The following ERLIN2 variants were observed in gnomAD, a reference collection of about 807,000 sequenced individuals.
ERLIN2 encodes ER lipid raft associated 2.
ERLIN2 carries 22 observed loss-of-function variants against 41.5 expected under a neutral mutation model. That is an observed-to-expected ratio of 0.53 (90% CI 0.38 to 0.76). The LOEUF (loss-of-function observed/expected upper bound fraction) is 0.76. Among genes scored for constraint, ERLIN2 ranks in the 30% least tolerant of loss-of-function variants. The pLI, the probability that ERLIN2 is intolerant of heterozygous loss-of-function variation, is 0.00. For missense variants in ERLIN2, 247 were observed against 414.3 expected (o/e 0.60, Z 3.51); for synonymous variants, 149 against 150.9 (o/e 0.99, Z 0.09).
chr8:37,751,911 AG>A (rs1427279504), intron 10 of ERLIN2, among the ~76,000 whole-genome samples, 196 bp downstream of exon 10: 1 of 152,208 alleles, frequency 6.6e-6, no homozygotes, highest in East Asian at 1.9e-4. Flanking sequence ...TCTACTTCAG[AG>A]AGCATTTGTT....
chr8:37,741,690 G>A lies in ERLIN2; in HGVS notation c.190-82G>A. 9.6e-7 allele frequency: 1 copy of A among 1,044,676 alleles called. No individual in the cohort carries two copies. The allele number at this position is 1,044,676 out of a possible 1,614,324, so 64.7% of individuals were successfully genotyped here. A position where few individuals can be genotyped will look rare whatever the true frequency, so the allele number is the denominator to read the frequency against. Reference sequence around the variant, plus strand: ...TGCTCAACCCAAACAGTTATTCCAGGACAAAGGCATTTAGGATTCTGAAAA... The same window carrying A: ...TGCTCAACCCAAACAGTTATTCCAGAACAAAGGCATTTAGGATTCTGAAAA... On this transcript the variant is annotated intron_variant, in intron 3 of 11. Transcript: ENST00000519638. The surrounding 1 kb of genome is among the most constrained non-coding windows in gnomAD (Gnocchi z 4.8).
chr8:37,753,850 A>T, intron 11 of ERLIN2, 65 bp from the exon 12 acceptor site: 1 of 1,346,704 alleles, frequency 7.4e-7, no homozygotes, highest in Non-Finnish European at 1.1e-6. Flanking sequence ...TTGAAGGGGC[A>T]CCACTCCCCT....
Position 37,754,451 on chromosome 8 carries a change from C to T in ERLIN2, c.*336C>T. ...GAGAGGGAGAAATGTAGAGTGTTAC[C>T]TCCAACTCATTTGATTTCCCTTACT... On this transcript the variant is annotated 3_prime_UTR_variant, in exon 12 of 12. Coordinates refer to ENST00000519638, the MANE Select transcript of ERLIN2 (RefSeq NM_007175.8). 5.6e-6 allele frequency: 2 copies of T among 356,468 alleles called. No individual in the cohort carries two copies. Among genetic ancestry groups the T allele is most frequent in the Non-Finnish European group, 1.1e-5 (2 of 185,076 alleles). The allele number at this position is 356,468 out of a possible 1,614,324, so 22.1% of individuals were successfully genotyped here.
chr8:37,743,475 C>T (rs1321129276), intron 4 of ERLIN2, among the ~76,000 whole-genome samples: 1 of 152,110 alleles, frequency 6.6e-6, no homozygotes, highest in African/African-American at 2.4e-5. Context: ...GGATACCAGA[C>T]CTTTTGGATT....
At position 37,744,352 on chromosome 8, in the gene ERLIN2, T is replaced by C. The variant is rs765889273; in HGVS notation, c.237-3T>C. Reference sequence around the variant, plus strand: ...GACTTCTTGTCCATTCTCCCTCCAATAGTGGTGGTGTGATGATCTACTTTG... The same window carrying C: ...GACTTCTTGTCCATTCTCCCTCCAACAGTGGTGGTGTGATGATCTACTTTG... On this transcript the variant is annotated splice_region_variant and splice_polypyrimidine_tract_variant and intron_variant, in intron 4 of 11. Coordinates refer to ENST00000519638, the MANE Select transcript of ERLIN2 (RefSeq NM_007175.8). 40 of 1,612,884 alleles carry C rather than the reference T, an allele frequency of 2.5e-5. No homozygotes were observed. The highest frequency in any genetic ancestry group is 3.2e-5 in the Non-Finnish European group (38 of 1,178,986).
At chr8:37,738,378 C>T (rs764618444) in intron 2 of ERLIN2, among the ~76,000 whole-genome samples, 9 of 149,684 alleles carry the variant, frequency 6.0e-5, no homozygotes, top group Admixed American at 5.3e-4. Flanking sequence ...CTTAGCTCTA[C>T]ATCCCTCTGG....
In ERLIN2 at chr8:37,750,045, ACC is replaced by A. The variant is rs1563316612; in HGVS notation, c.557+196_557+197del. On this transcript the variant is annotated intron_variant, in intron 8 of 11. Coordinates refer to ENST00000519638, the MANE Select transcript of ERLIN2 (RefSeq NM_007175.8). Reference sequence around the variant, plus strand: ...TGGGGCTCCCTACCTGTGATTGAGAACCCCAGGATAATCCCTGTAGAGCAGCG... The same window carrying A: ...TGGGGCTCCCTACCTGTGATTGAGAACCAGGATAATCCCTGTAGAGCAGCG... The A allele has an allele frequency of 1.8e-5, 12 of 677,574 alleles. No homozygotes were observed. In the South Asian group the frequency reaches 1.9e-4, roughly 11 times the overall value. 42.0% of individuals were successfully genotyped at this position (677,574 alleles called of 1,614,324 possible).
intron 6 of ERLIN2, chr8:37,744,960 GC>G: frequency 1.6e-6 from 1 of 621,146 alleles, no homozygotes; most frequent in Non-Finnish European, 2.9e-6. Flanking sequence ...TCAATCAGAG[GC>G]TGGAGTGGAA....
At position 37,743,799 on chromosome 8, in the gene ERLIN2, GA is replaced by G. The variant is rs935549445; in HGVS notation, c.237-546del. 1.8e-4 allele frequency among the ~76,000 whole-genome samples: 27 copies of G among 146,544 alleles called. No homozygotes were observed. The East Asian group carries it at 2.2e-3, about 12-fold the overall frequency. Reference sequence around the variant, plus strand: ...ACTGCAGCTTACTTTGAAATGTTCAGAAAAAAAAAAGGTCAATAAATAAGGT... The same window carrying G: ...ACTGCAGCTTACTTTGAAATGTTCAGAAAAAAAAAGGTCAATAAATAAGGT... On this transcript the variant is annotated intron_variant, in intron 4 of 11. Coordinates refer to ENST00000519638, the MANE Select transcript of ERLIN2 (RefSeq NM_007175.8).
rs1038353803 is a variant in ERLIN2 at position 37,753,608 on chromosome 8, G to C, written c.819+79G>C. Reference sequence around the variant, plus strand: ...TGCAGGAGAGTTTCCAGTGTTGAGCGCCTGCCACCACCCAAAGCCCTTCAT... The same window carrying C: ...TGCAGGAGAGTTTCCAGTGTTGAGCCCCTGCCACCACCCAAAGCCCTTCAT... On this transcript the variant is annotated intron_variant, in intron 11 of 11. Transcript: ENST00000519638. 1.0e-5 allele frequency: 13 copies of C among 1,295,982 alleles called. No homozygotes were observed. The South Asian group carries it at 1.4e-4, about 14-fold the overall frequency. The allele number at this position is 1,295,982 out of a possible 1,614,324, so 80.3% of individuals were successfully genotyped here. A position where few individuals can be genotyped will look rare whatever the true frequency, so the allele number is the denominator to read the frequency against.
Position 37,744,572 on chromosome 8 carries a change from G to A in ERLIN2, c.300G>A (p.Val100=), listed in dbSNP as rs756597769. ...CCAAGCCCTCTCCTTCCCTCTCAGTGTATGATATAGTGAAGAACTATACTG... is the reference window on the plus strand; with the variant it reads ...CCAAGCCCTCTCCTTCCCTCTCAGTATATGATATAGTGAAGAACTATACTG... ...EVVNFLVPNA[V]YDIVKNYTAD... The change falls in exon 6 of 12, where the codon GTG becomes GTA. Residue 100 remains valine (V), a splice_region_variant and synonymous_variant. Coordinates refer to ENST00000519638, the MANE Select transcript of ERLIN2 (RefSeq NM_007175.8). The A allele has an allele frequency of 1.9e-6, 3 of 1,614,008 alleles. No individual in the cohort carries two copies. The highest frequency in any genetic ancestry group is 1.7e-5 in the Admixed American group (1 of 59,996).
intron 6 of ERLIN2, chr8:37,747,842 G>T: frequency 6.2e-7 from 1 of 1,614,158 alleles, no homozygotes. Flanking sequence ...ACACGGGACC[G>T]GTCCCGGGGC....
Position 37,749,862 on chromosome 8 carries a change from C to A in ERLIN2, c.557+10C>A. On this transcript the variant is annotated intron_variant, in intron 8 of 11. Transcript: ENST00000519638. The stretch of plus-strand genomic sequence containing the variant: ...GAAACTACGAGTTGATGTGAGTATA[C>A]CCTCCGCCTGGGCTGTGACCACCAC... 1 of 1,613,190 alleles carries A rather than the reference C, an allele frequency of 6.2e-7. No homozygotes were observed. The highest frequency in any genetic ancestry group is 1.7e-5 in the Admixed American group (1 of 60,028).
intron 2 of ERLIN2, among the ~76,000 whole-genome samples, chr8:37,740,029 G>A (rs1802795068): frequency 6.6e-6 from 1 of 151,910 alleles, no homozygotes; most frequent in Admixed American, 6.6e-5. Flanking sequence ...AGACAGGTTG[G>A]TCTCAAACTC....
intron 8 of ERLIN2, 123 bp downstream of exon 8, chr8:37,749,975 A>C: frequency 1.1e-6 from 1 of 885,668 alleles, no homozygotes; most frequent in Non-Finnish European, 1.9e-6. Context: ...GATTTGCTAC[A>C]GCCCATTGCA....
intron 6 of ERLIN2, chr8:37,747,303 G>C: frequency 1.1e-6 from 1 of 889,570 alleles, no homozygotes; most frequent in Non-Finnish European, 1.9e-6. Context: ...CTAAATGCTT[G>C]CCTCCAGTCT....
At position 37,737,976 on chromosome 8, in the gene ERLIN2, T is replaced by C; in HGVS notation, c.54T>C (p.Ser18=). 6.2e-7 allele frequency: 1 copy of C among 1,613,986 alleles called. No homozygotes were observed. Among genetic ancestry groups the C allele is most frequent in the African/African-American group, 1.3e-5 (1 of 75,024 alleles). Reference sequence around the variant, plus strand: ...TGGCTTCCAGTTTCTTTTGTGCATCTCTCTTCTCAGCTGTGCACAAGATAG... The same window carrying C: ...TGGCTTCCAGTTTCTTTTGTGCATCCCTCTTCTCAGCTGTGCACAAGATAG... ...VAVASSFFCA[S]LFSAVHKIEE... is the part of the protein sequence containing the mutation. The change falls in exon 2 of 12, where the codon TCT becomes TCC. Residue 18 remains serine (S), a synonymous_variant. Coordinates refer to ENST00000519638, the MANE Select transcript of ERLIN2 (RefSeq NM_007175.8).
chr8:37,737,660 G>A, intron 1 of ERLIN2: 1 of 496,608 alleles, frequency 2.0e-6, no homozygotes, highest in South Asian at 2.0e-5. Context: ...GTTCTCCCTT[G>A]AGCAACGGCT....
At chr8:37,750,003 C>A in intron 8 of ERLIN2, 151 bp downstream of exon 8, 1 of 746,420 alleles carries the variant, frequency 1.3e-6, no homozygotes, top group East Asian at 2.6e-5. Context: ...ATTGGGCAGG[C>A]GTGTCAGGGC....
Sources: allele counts gnomAD v4.1 joint callset (sites outside exome capture counted in the v4.1 genomes callset), GRCh38; gene constraint gnomAD v4.1.1; non-coding constraint Gnocchi (gnomAD v3.1); transcripts MANE v1.5; gene names NCBI Gene and HGNC (gene_info 2026-07-23, HGNC 2026-07-21).